CLEC16A: variants seen among roughly 807,000 people sequenced by gnomAD.
CLEC16A encodes the protein protein CLEC16A.
CLEC16A carries 51 observed loss-of-function variants against 109.5 expected under a neutral mutation model. The observed-to-expected ratio is 0.47, with a 90% CI of 0.37 to 0.59. The LOEUF (loss-of-function observed/expected upper bound fraction) is 0.59, where lower values mean the gene tolerates loss of function less well. Ranked by LOEUF, CLEC16A falls within the 20% of genes least tolerant of loss-of-function variation. CLEC16A has a pLI of 0.00. For missense variants in CLEC16A, 1,339 were observed against 1,394.0 expected (o/e 0.96, Z 0.63); for synonymous variants, 673 against 564.2 (o/e 1.19, Z -2.73).
intron 17 of CLEC16A, among the ~76,000 whole-genome samples, chr16:11,050,813 T>C (rs1054542637): frequency 2.0e-5 from 3 of 152,182 alleles, no homozygotes; most frequent in Admixed American, 1.3e-4. Flanking sequence ...TGGCACTTAG[T>C]AGATGCTCCA....
chr16:11,155,485 C>T (rs886099962), intron 22 of CLEC16A, among the ~76,000 whole-genome samples: 7 of 152,340 alleles, frequency 4.6e-5, no homozygotes, highest in Non-Finnish European at 8.8e-5. Context: ...TCCAGCCGTC[C>T]GGTTAGCCAT....
chr16:10,975,092 C>T (rs2042971979), intron 7 of CLEC16A, among the ~76,000 whole-genome samples: 1 of 152,166 alleles, frequency 6.6e-6, no homozygotes, highest in Non-Finnish European at 1.5e-5. Context: ...CCTGTAATCC[C>T]AGCACTTTGG....
In CLEC16A at chr16:10,981,662, ATTTT is replaced by A. The variant is rs543943774; in HGVS notation, c.958-1211_958-1208del. 9.2e-5 allele frequency among the ~76,000 whole-genome samples: 14 copies of A among 152,232 alleles called. No homozygotes were observed. The East Asian group carries it at 2.7e-3, about 29-fold the overall frequency. On this transcript the variant is annotated intron_variant, in intron 9 of 23. Coordinates refer to ENST00000409790, the MANE Select transcript of CLEC16A (RefSeq NM_015226.3). ...TTTTGCCTTCACTTTTTAAAAAATA[ATTTT>A]TTTTAAACAACGTTTTTTAAAGTTA... is the stretch of plus-strand genomic sequence containing the variant.
At chr16:11,037,360 A>AT (rs1440753098) in intron 13 of CLEC16A, among the ~76,000 whole-genome samples, 1 of 152,226 alleles carries the variant, frequency 6.6e-6, no homozygotes, top group Non-Finnish European at 1.5e-5. Context: ...GGGAAACAAC[A>AT]TAACAACTCT....
At chr16:11,020,108 T>A (rs771884767) in intron 11 of CLEC16A, 85 bp from the exon 12 acceptor site, 23 of 1,465,874 alleles carry the variant, frequency 1.6e-5, no homozygotes, top group Non-Finnish European at 2.0e-5. Context: ...CATTTATGCA[T>A]ATTTATTCTC....
rs2068676662 is a variant in CLEC16A at position 11,174,700 on chromosome 16, A to G, written c.2807-3635A>G. On this transcript the variant is annotated intron_variant, in intron 23 of 23. Coordinates refer to ENST00000409790, the MANE Select transcript of CLEC16A (RefSeq NM_015226.3). The surrounding 1 kb of genome is among the most constrained non-coding windows in gnomAD (Gnocchi z 4.7). Reference sequence around the variant, plus strand: ...GGCTGGCAAAGTGAGAATTTGTAGAAAGCAACCAAGAAGTCTCCTCATTTC... The same window carrying G: ...GGCTGGCAAAGTGAGAATTTGTAGAGAGCAACCAAGAAGTCTCCTCATTTC... Among the ~76,000 whole-genome samples, 1 of 152,248 alleles carries G rather than the reference A, an allele frequency of 6.6e-6. No individual in the cohort carries two copies. Among genetic ancestry groups the G allele is most frequent in the Admixed American group, 6.5e-5 (1 of 15,288 alleles).
chr16:11,134,384 C>T, intron 22 of CLEC16A, among the ~76,000 whole-genome samples: 1 of 152,020 alleles, frequency 6.6e-6, no homozygotes, highest in Admixed American at 6.6e-5. Context: ...TTCTATCCTC[C>T]CGACCACCCT....
intron 19 of CLEC16A, among the ~76,000 whole-genome samples, chr16:11,088,975 G>A (rs1048427399): frequency 1.3e-5 from 2 of 152,152 alleles, no homozygotes; most frequent in Non-Finnish European, 2.9e-5. Flanking sequence ...CATTTCCCCA[G>A]CCACCCACAG....
chr16:11,083,072 CT>C (rs1370903533), intron 19 of CLEC16A, among the ~76,000 whole-genome samples: 1 of 152,216 alleles, frequency 6.6e-6, no homozygotes, highest in East Asian at 1.9e-4. Flanking sequence ...AGGAGGTTTG[CT>C]TAGTAAGAGC....
At chr16:10,997,706 C>T (rs1469502198) in intron 10 of CLEC16A, among the ~76,000 whole-genome samples, 4 of 152,162 alleles carry the variant, frequency 2.6e-5, no homozygotes, top group African/African-American at 7.2e-5. Context: ...AGTGAAAGGT[C>T]CTCCAACCTC....
At chr16:11,172,473 A>G (rs2068563070) in intron 23 of CLEC16A, among the ~76,000 whole-genome samples, 1 of 152,246 alleles carries the variant, frequency 6.6e-6, no homozygotes, top group Non-Finnish European at 1.5e-5. Context: ...CAAGTGAACT[A>G]CCTTGGGGAA....
At chr16:11,159,944 G>A (rs1196464645) in intron 22 of CLEC16A, among the ~76,000 whole-genome samples, 1 of 152,192 alleles carries the variant, frequency 6.6e-6, no homozygotes, top group African/African-American at 2.4e-5. Flanking sequence ...CAGGTAGTAT[G>A]TAAGGGCATC....
chr16:11,020,316 A>G lies in CLEC16A; in HGVS notation c.1427A>G (p.Gln476Arg). 1 of 1,610,692 alleles carries G rather than the reference A, an allele frequency of 6.2e-7. No individual in the cohort carries two copies. Among genetic ancestry groups the G allele is most frequent in the Non-Finnish European group, 8.5e-7 (1 of 1,178,440 alleles). The change falls in exon 12 of 24, where the codon CAA (glutamine) becomes CGA (arginine). Residue 476 changes from glutamine to arginine, a missense_variant. Physicochemically the swap from Gln to Arg is conservative, Grantham distance 43 (BLOSUM62 1). This residue lies in a region of CLEC16A where 1,061 missense variants were observed against 1,006.8 expected (regional missense o/e 1.05). Coordinates refer to ENST00000409790, the MANE Select transcript of CLEC16A (RefSeq NM_015226.3). ...GCCGCCACCTGCTCTGAGAGCACGC[A>G]ATGGAGCAGGTAGCTGCCCGAGAGG... is the stretch of plus-strand genomic sequence containing the variant. ...SAAATCSEST[Q>R]WSRPFLDMVY... is the part of the protein sequence containing the mutation.
intron 22 of CLEC16A, 29 bp downstream of exon 22, chr16:11,126,175 G>C: frequency 6.2e-7 from 1 of 1,613,510 alleles, no homozygotes; most frequent in Non-Finnish European, 8.5e-7. Context: ...CTGCGCCACA[G>C]CTCGTTCATC....
chr16:11,150,892 A>G (rs906993506), intron 22 of CLEC16A, among the ~76,000 whole-genome samples: 15 of 152,182 alleles, frequency 9.9e-5, no homozygotes, highest in Admixed American at 9.8e-4. Flanking sequence ...TCATAGAAGT[A>G]TCACCCCAGT....
intron 11 of CLEC16A, 55 bp from the exon 12 acceptor site, chr16:11,020,138 A>G: frequency 6.5e-7 from 1 of 1,550,136 alleles, no homozygotes; most frequent in Non-Finnish European, 8.7e-7. Context: ...CATGTGTATA[A>G]ATCTAGGGCT....
intron 10 of CLEC16A, among the ~76,000 whole-genome samples, chr16:11,000,892 G>A (rs926990200): frequency 6.6e-6 from 1 of 152,150 alleles, no homozygotes; most frequent in African/African-American, 2.4e-5. Context: ...ATTGGTGGTC[G>A]TTTGGGGTAA....
chr16:11,121,778 G>A (rs990623438), intron 20 of CLEC16A, among the ~76,000 whole-genome samples: 2 of 150,462 alleles, frequency 1.3e-5, no homozygotes, highest in Non-Finnish European at 2.9e-5. Flanking sequence ...TACCCAGGAG[G>A]CTGAGGCACG....
At chr16:11,116,481 G>T (rs1054602751) in intron 19 of CLEC16A, among the ~76,000 whole-genome samples, 2 of 152,144 alleles carry the variant, frequency 1.3e-5, no homozygotes, top group Admixed American at 1.3e-4. Flanking sequence ...GCTGACTTCG[G>T]GGGTCATGTG....
Sources: gnomAD v4.1 joint callset for allele counts (sites outside exome capture counted in the v4.1 genomes callset) on GRCh38, gnomAD v4.1.1 for gene constraint, gnomAD v4.1.1 regional missense constraint, Gnocchi (gnomAD v3.1) non-coding constraint, MANE v1.5 for transcripts, NCBI Gene and HGNC (gene_info 2026-07-23, HGNC 2026-07-21) for gene names.